The following MYH15 variants were observed in gnomAD, a reference collection of about 807,000 sequenced individuals.
MYH15 encodes myosin heavy chain 15.
A neutral mutation model predicts 240.5 loss-of-function variants in MYH15; 227 were observed. That is an observed-to-expected ratio of 0.94 (90% confidence interval 0.85 to 1.05). MYH15 has a LOEUF of 1.05. MYH15 is among the 50% of genes least tolerant of loss of function. MYH15 has a pLI of 0.00. For missense variants in MYH15, 2,217 were observed against 2,247.5 expected, an observed-to-expected ratio of 0.99 and a Z score of 0.27; for synonymous variants, 785 against 796.7, an observed-to-expected ratio of 0.99 and a Z score of 0.25.
chr3:108,398,421 C>T (rs1364920748), intron 35 of MYH15, among the ~76,000 whole-genome samples: 1 of 152,242 alleles, frequency 6.6e-6, no homozygotes, highest in African/African-American at 2.4e-5. Context: ...AATAAACTTC[C>T]GTTGCTTTAC....
intron 7 of MYH15, among the ~76,000 whole-genome samples, chr3:108,493,910 G>A (rs182101612): frequency 2.6e-5 from 4 of 152,308 alleles, no homozygotes; most frequent in Admixed American, 2.0e-4. Context: ...AGCACACCTT[G>A]GCATAAATAA....
chr3:108,422,081 A>G (rs1198395027), intron 27 of MYH15, among the ~76,000 whole-genome samples: 2 of 152,238 alleles, frequency 1.3e-5, no homozygotes, highest in African/African-American at 4.8e-5. Flanking sequence ...CCCTTCACAT[A>G]CAAATTAACT....
chr3:108,533,118 C>CTTTTTTTTTT (rs10561890), upstream of MYH15, among the ~76,000 whole-genome samples: 1 of 97,686 alleles, frequency 1.0e-5, no homozygotes, highest in African/African-American at 3.8e-5. Context: ...ACAATAAAAG[C>CTTTTTTTTTT]TTTTTTTTTT....
chr3:108,525,221 G>A (rs2083657148), intron 1 of MYH15, among the ~76,000 whole-genome samples: 1 of 151,914 alleles, frequency 6.6e-6, no homozygotes, highest in Non-Finnish European at 1.5e-5. Context: ...CTAACGATTT[G>A]GGGTAAAATG....
chr3:108,494,106 G>A (rs1347443681), intron 7 of MYH15, among the ~76,000 whole-genome samples: 1 of 152,198 alleles, frequency 6.6e-6, no homozygotes, highest in Non-Finnish European at 1.5e-5. Context: ...AGACAGCCTG[G>A]GGGAGGCTGG....
At chr3:108,538,901 T>C in the MYH15 span, among the ~76,000 whole-genome samples, 1 of 152,004 alleles carries the variant, frequency 6.6e-6, no homozygotes, top group Non-Finnish European at 1.5e-5. Context: ...CATCACCCCA[T>C]GGCAGAGAGT....
chr3:108,476,590 A>G lies in MYH15; in HGVS notation c.1115-75T>C, dbSNP rs1050615232. On this transcript the variant is annotated intron_variant, in intron 11 of 40. Transcript: ENST00000693548. ...AGATTCATTCCATTATAGCCAAACT[A>G]ACTACCCAGAGGACAGAAAGATAGT... 1.1e-5 allele frequency: 10 copies of G among 938,068 alleles called. No individual in the cohort carries two copies. In the Admixed American group the frequency reaches 1.8e-4, roughly 17 times the overall value. 58.1% of individuals were successfully genotyped at this position (938,068 alleles called of 1,614,324 possible).
intron 38 of MYH15, among the ~76,000 whole-genome samples, chr3:108,386,477 C>G (rs1265505087): frequency 1.3e-5 from 2 of 152,186 alleles, no homozygotes; most frequent in Non-Finnish European, 2.9e-5. Flanking sequence ...CCACACACTT[C>G]CCAGGCAGCC....
chr3:108,523,522 T>C lies in MYH15; in HGVS notation c.-58+5741A>G, dbSNP rs2083639728. 2.0e-5 allele frequency among the ~76,000 whole-genome samples: 3 copies of C among 152,112 alleles called. No individual in the cohort carries two copies. In the South Asian group the frequency reaches 6.2e-4, roughly 31 times the overall value. On this transcript the variant is annotated intron_variant, in intron 1 of 41. Transcript: ENST00000273353. Reference sequence around the variant, plus strand: ...TACATATATAATACACTCCTGTACATATATAAATAACATATAATTAATTTT... The same window carrying C: ...TACATATATAATACACTCCTGTACACATATAAATAACATATAATTAATTTT...
chr3:108,505,814 C>T lies in MYH15; in HGVS notation c.104G>A (p.Trp35Ter), dbSNP rs765150954. 7 of 1,605,986 alleles carry T rather than the reference C, an allele frequency of 4.4e-6. No homozygotes were observed. The highest frequency in any genetic ancestry group is 5.9e-6 in the Non-Finnish European group (7 of 1,176,630). ...ATAAGCATTCTCACCATCAGGAATC[C>T]AGCATTTCTTCTTCCCTGTAGAGCA... ...ATALDGKKKC[W>*]IPDGENAYIE... is the part of the protein sequence containing the mutation. Residue 35 changes from tryptophan to a stop codon, truncating the protein, a stop_gained, in exon 2 of 41, where the codon TGG becomes TAG. Transcript: ENST00000693548. LOFTEE classifies it high-confidence loss of function.
chr3:108,411,866 G>A (rs1268409389), intron 30 of MYH15, among the ~76,000 whole-genome samples: 3 of 152,224 alleles, frequency 2.0e-5, no homozygotes, highest in Middle Eastern at 6.8e-3. Flanking sequence ...GTGGAATCCT[G>A]CAAAAACCCC....
intron 22 of MYH15, among the ~76,000 whole-genome samples, chr3:108,443,015 G>A (rs768749298): frequency 2.6e-4 from 40 of 151,942 alleles, no homozygotes; most frequent in Admixed American, 8.5e-4. Context: ...CACAAGCTGG[G>A]TCCATTTCTA....
intron 35 of MYH15, among the ~76,000 whole-genome samples, chr3:108,394,892 T>G (rs1322598878): frequency 6.6e-6 from 1 of 152,236 alleles, no homozygotes; most frequent in African/African-American, 2.4e-5. Flanking sequence ...TTTTTATTTC[T>G]CCTTTCACTT....
intron 1 of MYH15, among the ~76,000 whole-genome samples, chr3:108,525,318 C>T (rs1207645711): frequency 6.6e-6 from 1 of 151,996 alleles, no homozygotes; most frequent in Admixed American, 6.6e-5. Flanking sequence ...TAATATTTTT[C>T]TAGAGCTCCT....
At chr3:108,413,862 C>T (rs1012775683) in intron 30 of MYH15, among the ~76,000 whole-genome samples, 2 of 152,134 alleles carry the variant, frequency 1.3e-5, no homozygotes, top group Admixed American at 1.3e-4. Flanking sequence ...GACACGTACA[C>T]ACATGGACTC....
intron 1 of MYH15, chr3:108,529,260 C>T (rs2083696149): frequency 1.4e-5 from 22 of 1,603,722 alleles, no homozygotes; most frequent in Non-Finnish European, 1.9e-5. Context: ...GGAGTCCACT[C>T]ACCATGATCT....
chr3:108,461,091 T>C (rs1427697326), intron 16 of MYH15, among the ~76,000 whole-genome samples: 2 of 152,204 alleles, frequency 1.3e-5, no homozygotes, highest in African/African-American at 4.8e-5. Context: ...ATTTGAATAG[T>C]GCTAAGTTAC....
intron 23 of MYH15, among the ~76,000 whole-genome samples, chr3:108,440,238 A>G (rs1195587084): frequency 6.6e-6 from 1 of 152,178 alleles, no homozygotes; most frequent in Non-Finnish European, 1.5e-5. Flanking sequence ...TTATTATATA[A>G]CAGTAACAAC....
chr3:108,525,656 T>C (rs1297248462), intron 1 of MYH15, among the ~76,000 whole-genome samples: 2 of 152,092 alleles, frequency 1.3e-5, no homozygotes, highest in Non-Finnish European at 2.9e-5. Flanking sequence ...GTAACTTCTG[T>C]TTAGATACTC....
Sources: gnomAD v4.1 joint callset for allele counts (sites outside exome capture counted in the v4.1 genomes callset) on GRCh38, gnomAD v4.1.1 for gene constraint, MANE v1.5 for transcripts, NCBI Gene and HGNC (gene_info 2026-07-23, HGNC 2026-07-21) for gene names.